The following MNS1 variants were observed in gnomAD, a reference collection of about 807,000 sequenced individuals.
MNS1 encodes meiosis-specific nuclear structural protein 1.
A neutral mutation model predicts 72.0 loss-of-function variants in MNS1; 63 were observed. The ratio of observed to expected loss-of-function variants is 0.87; its 90% CI spans 0.71 to 1.08. MNS1 has a LOEUF of 1.08. Among genes scored for constraint, MNS1 ranks in the 50% least tolerant of loss-of-function variants. The pLI, the probability that MNS1 is intolerant of heterozygous loss-of-function variation, is 0.00. For missense variants in MNS1, 604 were observed against 562.4 expected, an observed-to-expected ratio of 1.07 and a Z score of -0.75; for synonymous variants, 188 against 172.1, an observed-to-expected ratio of 1.09 and a Z score of -0.72.
intron 3 of MNS1, among the ~76,000 whole-genome samples, chr15:56,450,691 G>C (rs1267176125): frequency 6.6e-6 from 1 of 151,930 alleles, no homozygotes; most frequent in Non-Finnish European, 1.5e-5. Flanking sequence ...TTTGGTTATT[G>C]GAAATAATGC....
chr15:56,438,020 C>T (rs1359738455), intron 7 of MNS1, among the ~76,000 whole-genome samples: 2 of 152,042 alleles, frequency 1.3e-5, no homozygotes, highest in African/African-American at 2.4e-5. Context: ...GAATCAATAT[C>T]GTGAAAATGG....
Position 56,431,524 on chromosome 15 carries a change from A to T in MNS1, c.1270-26T>A, listed in dbSNP as rs1437933259. The T allele has an allele frequency of 2.5e-6, 4 of 1,612,422 alleles. No individual in the cohort carries two copies. The African/African-American group carries it at 4.0e-5, about 16-fold the overall frequency. On this transcript the variant is annotated intron_variant, in intron 8 of 9. Coordinates refer to ENST00000260453, the MANE Select transcript of MNS1 (RefSeq NM_018365.4). ...CTGGAAATGCAGATCAAATTTTGTT[A>T]TCACAAAGTACATTAATCTTATACG... is the stretch of plus-strand genomic sequence containing the variant.
At chr15:56,446,632 T>C (rs1018869579) in intron 4 of MNS1, among the ~76,000 whole-genome samples, 1 of 152,188 alleles carries the variant, frequency 6.6e-6, no homozygotes, top group Non-Finnish European at 1.5e-5. Context: ...TAGCTGGTCA[T>C]TCTAAGCAGC....
chr15:56,444,611 C>G lies in MNS1; in HGVS notation c.519G>C (p.Glu173Asp). Residue 173 changes from glutamate to aspartate, a missense_variant, in exon 5 of 10, where the codon GAG (glutamate) becomes GAC (aspartate). Glu to Asp is a conservative substitution (Grantham distance 45, BLOSUM62 2). Transcript: ENST00000260453. ...MEEHKRIIKE[E>D]NAAEDKRNKA... ...TGTTTCGTTTGTCTTCTGCAGCATT[C>G]TCTTCCTTTATTATTCTCTTGTGTT... 1 of 1,613,128 alleles carries G rather than the reference C, an allele frequency of 6.2e-7. No individual in the cohort carries two copies.
Position 56,464,115 on chromosome 15 carries a change from C to T in MNS1, c.136G>A (p.Glu46Lys), listed in dbSNP as rs2051041831. The T allele has an allele frequency of 1.9e-6, 3 of 1,614,084 alleles. No individual in the cohort carries two copies. Among genetic ancestry groups the T allele is most frequent in the Non-Finnish European group, 2.5e-6 (3 of 1,180,004 alleles). Reference sequence around the variant, plus strand: ...TTGCGCTGAACACGGTTATCATTTTCATTCTGCACCATTTGATTCCTGATT... The same window carrying T: ...TTGCGCTGAACACGGTTATCATTTTTATTCTGCACCATTTGATTCCTGATT... ...SQIRNQMVQN[E>K]NDNRVQRKQF... Residue 46 changes from glutamate to lysine, a missense_variant, in exon 2 of 10, where the codon GAA becomes AAA. Physicochemically the swap from Glu to Lys is moderately conservative, Grantham distance 56. Transcript: ENST00000260453.
intron 8 of MNS1, among the ~76,000 whole-genome samples, chr15:56,433,263 G>A (rs77243098): frequency 6.6e-6 from 1 of 151,060 alleles, no homozygotes; most frequent in Admixed American, 6.6e-5. Flanking sequence ...GTCGGGGGGT[G>A]GGGGGGACAA....
chr15:56,460,964 T>TTGAG (rs2051016369), intron 2 of MNS1, among the ~76,000 whole-genome samples: 1 of 152,148 alleles, frequency 6.6e-6, no homozygotes, highest in African/African-American at 2.4e-5. Flanking sequence ...GTTTGAGTCC[T>TTGAG]AAAGCCTGAG....
At chr15:56,439,455 A>T (rs1043798359) in intron 7 of MNS1, among the ~76,000 whole-genome samples, 1 of 152,088 alleles carries the variant, frequency 6.6e-6, no homozygotes, top group Non-Finnish European at 1.5e-5. Context: ...CTAAAAAAAA[A>T]ATTTTAAGAC....
chr15:56,443,662 C>T lies in MNS1; in HGVS notation c.879G>A (p.Glu293=). The T allele has an allele frequency of 1.2e-6, 2 of 1,612,988 alleles. No individual in the cohort carries two copies. The highest frequency in any genetic ancestry group is 1.1e-5 in the South Asian group (1 of 90,774). Residue 293 remains glutamate (E), a synonymous_variant, in exon 6 of 10, where the codon GAG becomes GAA. Coordinates refer to ENST00000260453, the MANE Select transcript of MNS1 (RefSeq NM_018365.4). ...CCGCATTCTGAAGCTGTAGCCTTTT[C>T]TCCTCATTTTCTTGAACTTTTGCCA... ...DRMAKVQENE[E]KRLQLQNALT...
Position 56,434,237 on chromosome 15 carries a change from T to G in MNS1, c.1170A>C (p.Glu390Asp), listed in dbSNP as rs373996867. 3 of 1,613,906 alleles carry G rather than the reference T, an allele frequency of 1.9e-6. No individual in the cohort carries two copies. Among genetic ancestry groups the G allele is most frequent in the Non-Finnish European group, 2.5e-6 (3 of 1,179,938 alleles). ...LAKFAEDDRI[E>D]LMNAQKQRMK... ...TTCTTTGTTTCTGAGCATTCATTAA[T>G]TCTATTCGATCATCCTCAGCAAATT... Residue 390 changes from glutamate to aspartate, a missense_variant, in exon 8 of 10, where the codon GAA (glutamate) becomes GAC (aspartate). Coordinates refer to ENST00000260453, the MANE Select transcript of MNS1 (RefSeq NM_018365.4).
chr15:56,439,021 G>A (rs2050775623), intron 7 of MNS1, among the ~76,000 whole-genome samples: 4 of 152,124 alleles, frequency 2.6e-5, no homozygotes, highest in Admixed American at 2.0e-4. Flanking sequence ...ACAGCCTGTA[G>A]CTCTGGGCAG....
intron 2 of MNS1, among the ~76,000 whole-genome samples, chr15:56,459,132 C>T (rs932443588): frequency 1.3e-5 from 2 of 152,204 alleles, no homozygotes; most frequent in African/African-American, 2.4e-5. Context: ...TTTCCCCCAA[C>T]CCCTGGCACC....
intron 9 of MNS1, chr15:56,429,916 A>T (rs1337872460): frequency 6.6e-6 from 1 of 152,186 alleles, no homozygotes; most frequent in Non-Finnish European, 1.5e-5. Flanking sequence ...CCAAAGAAAG[A>T]CATTCCTACA....
At chr15:56,432,874 A>G (rs2050635001) in intron 8 of MNS1, among the ~76,000 whole-genome samples, 1 of 152,196 alleles carries the variant, frequency 6.6e-6, no homozygotes, top group Non-Finnish European at 1.5e-5. Flanking sequence ...GAAGTCATGT[A>G]AGTCTCACTT....
Position 56,443,624 on chromosome 15 carries a change from G to T in MNS1, c.903+14C>A. The T allele has an allele frequency of 1.2e-6, 2 of 1,606,378 alleles. No individual in the cohort carries two copies. The highest frequency in any genetic ancestry group is 1.7e-6 in the Non-Finnish European group (2 of 1,176,518). ...AGAATTTTACTAGTGTTAAAGAAGT[G>T]GTTATTTTAATACCGCATTCTGAAG... On this transcript the variant is annotated intron_variant, in intron 6 of 9. Coordinates refer to ENST00000260453, the MANE Select transcript of MNS1 (RefSeq NM_018365.4).
rs754190232 is a variant in MNS1, at chr15:56,443,853, C to T, written c.688G>A (p.Glu230Lys). The change falls in exon 6 of 10, where the codon GAA becomes AAA. Residue 230 changes from glutamate to lysine, a missense_variant and splice_region_variant. Transcript: ENST00000260453. Reference protein sequence around the residue: ...VRKIYEEDQLEKQQKLEKMNA... With the variant: ...VRKIYEEDQLKKQQKLEKMNA... ...ATTTTTTCTAACTTTTGTTGTTTTT[C>T]CCTGAAAAGCAATAACAAGTACAGA... 1 of 1,592,440 alleles carries T rather than the reference C, an allele frequency of 6.3e-7. No homozygotes were observed. The highest frequency in any genetic ancestry group is 1.2e-5 in the South Asian group (1 of 85,568).
At position 56,456,518 on chromosome 15, in the gene MNS1, C is replaced by T; in HGVS notation, c.229G>A (p.Glu77Lys). ...LDMEEAIQKA[E>K]ENKRLKELQL... ...AGTTCTTTCAATCTCTTGTTTTCTTCTGCCTGAACGAAAAATTTAACTTCG... is the reference window on the plus strand; with the variant it reads ...AGTTCTTTCAATCTCTTGTTTTCTTTTGCCTGAACGAAAAATTTAACTTCG... Residue 77 changes from glutamate to lysine, a missense_variant, in exon 3 of 10, where the codon GAA (glutamate) becomes AAA (lysine). By Grantham distance (56) the Glu-to-Lys change is moderately conservative. Coordinates refer to ENST00000260453, the MANE Select transcript of MNS1 (RefSeq NM_018365.4). 6.2e-7 allele frequency: 1 copy of T among 1,606,670 alleles called. No individual in the cohort carries two copies. The highest frequency in any genetic ancestry group is 8.5e-7 in the Non-Finnish European group (1 of 1,178,126).
chr15:56,431,003 A>G (rs1377380539), intron 9 of MNS1, among the ~76,000 whole-genome samples: 2 of 152,298 alleles, frequency 1.3e-5, no homozygotes, highest in East Asian at 3.9e-4. Context: ...CTTACCAAAA[A>G]TACAAAAATT....
chr15:56,446,326 G>A (rs1004834847), intron 4 of MNS1, among the ~76,000 whole-genome samples: 1 of 151,984 alleles, frequency 6.6e-6, no homozygotes, highest in Non-Finnish European at 1.5e-5. Context: ...CACTCCTAGT[G>A]AGTATGCCTG....
Sources: gnomAD v4.1 joint callset for allele counts (sites outside exome capture counted in the v4.1 genomes callset) on GRCh38, gnomAD v4.1.1 for gene constraint, MANE v1.5 for transcripts, NCBI Gene and HGNC (gene_info 2026-07-23, HGNC 2026-07-21) for gene names.